Variants in C10orf90 observed in about 807,000 individuals in gnomAD.
C10orf90 encodes (E2-independent) E3 ubiquitin-conjugating enzyme FATS.
A neutral mutation model predicts 62.5 loss-of-function variants in C10orf90; 56 were observed. The ratio of observed to expected loss-of-function variants is 0.90; its 90% CI spans 0.72 to 1.12. The LOEUF is 1.12. Ranked by LOEUF, C10orf90 falls within the 50% of genes most tolerant of loss-of-function variation. The probability of loss-of-function intolerance (pLI) is 0.00; values close to 1 mark genes in which losing one functional copy is unlikely to be tolerated. For missense variants in C10orf90, 970 were observed against 880.4 expected (o/e 1.10, Z -1.29); for synonymous variants, 386 against 340.4 (o/e 1.13, Z -1.47).
At chr10:126,578,480 T>C (rs1595229) in intron 2 of C10orf90, among the ~76,000 whole-genome samples, 64,310 of 152,026 alleles carry the variant, frequency 0.42, 13,928 homozygotes, top group Middle Eastern at 0.5. Context: ...AGTTGGAAAA[T>C]GCCAAGTGTT....
chr10:126,650,427 T>C (rs1002233428), intron 1 of C10orf90, among the ~76,000 whole-genome samples: 1 of 152,196 alleles, frequency 6.6e-6, no homozygotes, highest in Non-Finnish European at 1.5e-5. Flanking sequence ...TTGAGGGCAA[T>C]TAATCCTCAC....
intron 4 of C10orf90, chr10:126,502,774 T>A: frequency 3.8e-6 from 2 of 519,968 alleles, no homozygotes. Context: ...CTTTAACCAC[T>A]AAAGTGGGAT....
At chr10:126,479,159 T>G (rs11244996) in intron 4 of C10orf90, among the ~76,000 whole-genome samples, 1 of 152,008 alleles carries the variant, frequency 6.6e-6, no homozygotes, top group Non-Finnish European at 1.5e-5. Context: ...TGAATAAGAA[T>G]GTCTGGACCC....
chr10:126,610,894 T>C (rs1163508907), intron 2 of C10orf90, among the ~76,000 whole-genome samples: 1 of 152,190 alleles, frequency 6.6e-6, no homozygotes, highest in Non-Finnish European at 1.5e-5. Flanking sequence ...CACAACTTCT[T>C]GTAACTGGAG....
chr10:126,529,576 A>G (rs1182256899), intron 2 of C10orf90, among the ~76,000 whole-genome samples: 3 of 152,234 alleles, frequency 2.0e-5, no homozygotes, highest in Non-Finnish European at 2.9e-5. Context: ...CAAAATAGGC[A>G]TTTCTCAATA....
At chr10:126,661,551 TC>T (rs1356366537) in intron 1 of C10orf90, among the ~76,000 whole-genome samples, 1 of 152,170 alleles carries the variant, frequency 6.6e-6, no homozygotes, top group African/African-American at 2.4e-5. Flanking sequence ...GGATATGGTT[TC>T]CCCACAAGTT....
chr10:126,464,164 C>A (rs1296242327), intron 5 of C10orf90, among the ~76,000 whole-genome samples: 2 of 152,174 alleles, frequency 1.3e-5, no homozygotes, highest in Admixed American at 6.5e-5. Flanking sequence ...ACTTGATCCC[C>A]AGAGAAATGA....
At chr10:126,465,369 T>G (rs189057049) in intron 4 of C10orf90, among the ~76,000 whole-genome samples, 2 of 151,642 alleles carry the variant, frequency 1.3e-5, no homozygotes, top group African/African-American at 4.8e-5. Context: ...ATTATTTAGG[T>G]TTCTGTAATC....
At chr10:126,642,703 G>A (rs968928096) in intron 2 of C10orf90, among the ~76,000 whole-genome samples, 6 of 151,984 alleles carry the variant, frequency 3.9e-5, no homozygotes, top group South Asian at 2.1e-4. Flanking sequence ...TACCACCCTC[G>A]TGTACACCAT....
At chr10:126,642,575 G>A (rs1361122617) in intron 2 of C10orf90, among the ~76,000 whole-genome samples, 2 of 151,960 alleles carry the variant, frequency 1.3e-5, no homozygotes, top group African/African-American at 2.4e-5. Context: ...GTGGTTTTCA[G>A]GACAGTGCTC....
intron 2 of C10orf90, among the ~76,000 whole-genome samples, chr10:126,552,923 A>G (rs974507704): frequency 6.6e-6 from 1 of 152,230 alleles, no homozygotes; most frequent in African/African-American, 2.4e-5. Flanking sequence ...GAGGAAGAAA[A>G]TATTTCCAAC....
chr10:126,646,747 A>C (rs1846180794), intron 1 of C10orf90, 110 bp from the exon 2 acceptor site: 1 of 275,898 alleles, frequency 3.6e-6, no homozygotes, highest in South Asian at 3.4e-5. Flanking sequence ...GAATTTCTCA[A>C]TTCTCCTGAG....
chr10:126,448,061 G>A (rs373360894), intron 7 of C10orf90, among the ~76,000 whole-genome samples: 3 of 138,488 alleles, frequency 2.2e-5, no homozygotes, highest in Admixed American at 7.7e-5. Context: ...TAGTAGAGAC[G>A]GGGTTTCACT....
At chr10:126,589,476 A>G (rs964394397) in intron 2 of C10orf90, among the ~76,000 whole-genome samples, 6 of 152,236 alleles carry the variant, frequency 3.9e-5, no homozygotes, top group Non-Finnish European at 7.3e-5. Context: ...GTCACCTACA[A>G]AGGGAAGCCC....
In C10orf90 at chr10:126,596,139, A is replaced by T. The variant is rs1158558653; in HGVS notation, c.313+50426T>A. 6.9e-5 allele frequency among the ~76,000 whole-genome samples: 7 copies of T among 101,922 alleles called. No individual in the cohort carries two copies. In the South Asian group the frequency reaches 2.5e-3, roughly 36 times the overall value. 66.9% of individuals were successfully genotyped at this position (101,922 alleles called of 152,430 possible). A position where few individuals can be genotyped will look rare whatever the true frequency, so the allele number is the denominator to read the frequency against. ...CATAGTGAGACCCTATCTCTTATTTAAAAAAAAAAAAAAAAAAGCCAGGCA... is the reference window on the plus strand; with the variant it reads ...CATAGTGAGACCCTATCTCTTATTTTAAAAAAAAAAAAAAAAAGCCAGGCA... On this transcript the variant is annotated intron_variant, in intron 2 of 9. Transcript: ENST00000488181.
intron 2 of C10orf90, among the ~76,000 whole-genome samples, chr10:126,568,113 G>T (rs1041369947): frequency 2.6e-5 from 4 of 152,100 alleles, no homozygotes; most frequent in Non-Finnish European, 4.4e-5. Context: ...AGAGGGAGGA[G>T]GCAGTAGTTT....
Position 126,573,390 on chromosome 10 carries a change from G to A in C10orf90, c.314-59451C>T, listed in dbSNP as rs547191662. ...AGGTGTGGCGCCAGGCTGTCTGCCTGTGGGTTTCATTTCTGCCTTTTAGTT... is the reference window on the plus strand; with the variant it reads ...AGGTGTGGCGCCAGGCTGTCTGCCTATGGGTTTCATTTCTGCCTTTTAGTT... On this transcript the variant is annotated intron_variant, in intron 2 of 9. Transcript: ENST00000488181. Among the ~76,000 whole-genome samples, 9 of 152,314 alleles carry A rather than the reference G, an allele frequency of 5.9e-5. No homozygotes were observed. In the South Asian group the frequency reaches 1.9e-3, roughly 32 times the overall value.
intron 2 of C10orf90, among the ~76,000 whole-genome samples, chr10:126,558,805 C>G (rs1338518233): frequency 2.0e-5 from 3 of 152,226 alleles, no homozygotes; most frequent in African/African-American, 4.8e-5. Flanking sequence ...GAGTTGGGCT[C>G]CCAGAGAGCA....
rs1371254327 is a variant in C10orf90 at position 126,630,426 on chromosome 10, C to A, written c.313+16139G>T. ...TGCTGATGTGATGGCCCAGGCAGGGCTCTGAGAAGTGTAGAGGGGTCCTGG... is the reference window on the plus strand; with the variant it reads ...TGCTGATGTGATGGCCCAGGCAGGGATCTGAGAAGTGTAGAGGGGTCCTGG... On this transcript the variant is annotated intron_variant, in intron 2 of 9. Transcript: ENST00000488181. Among the ~76,000 whole-genome samples the A allele has an allele frequency of 2.0e-5, 3 of 152,070 alleles. No homozygotes were observed. In the East Asian group the frequency reaches 5.8e-4, roughly 29 times the overall value.
Sources: allele counts gnomAD v4.1 joint callset (sites outside exome capture counted in the v4.1 genomes callset), GRCh38; gene constraint gnomAD v4.1.1; transcripts MANE v1.5; gene names NCBI Gene and HGNC (gene_info 2026-07-23, HGNC 2026-07-21).